Variants in SNX29 observed in about 807,000 individuals in gnomAD.
SNX29 encodes the protein sorting nexin 29.
SNX29 carries 78 observed loss-of-function variants against 102.1 expected under a neutral mutation model. The ratio of observed to expected loss-of-function variants is 0.76; its 90% CI spans 0.64 to 0.92. The LOEUF is 0.92. Among genes scored for constraint, SNX29 ranks in the 40% least tolerant of loss-of-function variants. The pLI is 0.00. For synonymous variants in SNX29, 580 were observed against 414.5 expected, an observed-to-expected ratio of 1.40 and a Z score of -4.85; for missense variants, 1,280 against 1,061.7, an observed-to-expected ratio of 1.21 and a Z score of -2.86.
At chr16:12,226,785 C>G (rs553836326) in intron 14 of SNX29, among the ~76,000 whole-genome samples, 1 of 152,138 alleles carries the variant, frequency 6.6e-6, no homozygotes, top group Admixed American at 6.5e-5. Context: ...ACTGTATTGG[C>G]TAGGCTGGTC....
chr16:12,562,929 A>G (rs1328937376), intron 20 of SNX29, among the ~76,000 whole-genome samples: 1 of 152,158 alleles, frequency 6.6e-6, no homozygotes, highest in African/African-American at 2.4e-5. Flanking sequence ...TGTTGCCAAA[A>G]ACCTGCATAG....
At chr16:12,028,915 G>A (rs1206619867) in intron 4 of SNX29, among the ~76,000 whole-genome samples, 1 of 151,124 alleles carries the variant, frequency 6.6e-6, no homozygotes, top group Non-Finnish European at 1.5e-5. Context: ...TGCCTGGCTA[G>A]TTTTTGTATT....
chr16:12,117,426 C>T (rs113797092), intron 11 of SNX29, among the ~76,000 whole-genome samples: 9 of 145,682 alleles, frequency 6.2e-5, no homozygotes, highest in East Asian at 2.1e-4. Context: ...GCGGACGAAC[C>T]GTGGAAACAG....
At chr16:12,147,399 A>T (rs573581789) in intron 13 of SNX29, among the ~76,000 whole-genome samples, 4 of 152,392 alleles carry the variant, frequency 2.6e-5, no homozygotes, top group African/African-American at 9.6e-5. Flanking sequence ...AGGTTACGGT[A>T]ATTATTCACC....
At chr16:12,249,889 T>A (rs1348841680) in intron 14 of SNX29, among the ~76,000 whole-genome samples, 1 of 152,204 alleles carries the variant, frequency 6.6e-6, no homozygotes, top group East Asian at 1.9e-4. Context: ...TGTTCTTATT[T>A]AATGTTAAAC....
At chr16:12,467,010 A>G (rs1053848582) in intron 18 of SNX29, among the ~76,000 whole-genome samples, 2 of 151,974 alleles carry the variant, frequency 1.3e-5, no homozygotes, top group Non-Finnish European at 2.9e-5. Context: ...AAGAGTGCCC[A>G]CCTTTTCCCC....
intron 10 of SNX29, among the ~76,000 whole-genome samples, chr16:12,076,026 A>T (rs937419946): frequency 3.3e-5 from 5 of 152,176 alleles, no homozygotes; most frequent in Admixed American, 2.0e-4. Context: ...GGAAAAGCGC[A>T]GTATTTGGGT....
chr16:12,468,644 C>T (rs902927860), intron 18 of SNX29, among the ~76,000 whole-genome samples: 1 of 152,180 alleles, frequency 6.6e-6, no homozygotes, highest in African/African-American at 2.4e-5. Flanking sequence ...AAGGACTGAG[C>T]CCTGGGAGGC....
At chr16:12,472,382 T>C (rs1178277876) in intron 18 of SNX29, among the ~76,000 whole-genome samples, 1 of 151,916 alleles carries the variant, frequency 6.6e-6, no homozygotes, top group African/African-American at 2.4e-5. Flanking sequence ...TAGCCAGGCG[T>C]GTGGCAGGCA....
At chr16:12,128,898 C>G (rs149304764) in intron 12 of SNX29, among the ~76,000 whole-genome samples, 3 of 152,134 alleles carry the variant, frequency 2.0e-5, no homozygotes, top group African/African-American at 7.2e-5. Context: ...CTCTCCTAGG[C>G]GGTCACTGGT....
intron 1 of SNX29, among the ~76,000 whole-genome samples, chr16:11,993,189 A>G (rs2055920770): frequency 6.6e-6 from 1 of 151,798 alleles, no homozygotes; most frequent in South Asian, 2.1e-4. Context: ...AAATAAATAA[A>G]TAAATAAATA....
At chr16:12,527,375 A>C (rs2076814754) in intron 20 of SNX29, 2 of 504,822 alleles carry the variant, frequency 4.0e-6, no homozygotes, top group African/African-American at 3.8e-5. Flanking sequence ...AAAAAATAAA[A>C]ATCTCCTGCC....
chr16:12,204,752 G>A (rs1050949267), intron 14 of SNX29, among the ~76,000 whole-genome samples: 6 of 152,232 alleles, frequency 3.9e-5, no homozygotes, highest in South Asian at 4.1e-4. Flanking sequence ...CTGGTGTGTC[G>A]TGTCTTTGCT....
intron 20 of SNX29, among the ~76,000 whole-genome samples, chr16:12,543,867 TTACCACAC>T (rs1352382467): frequency 2.0e-5 from 3 of 152,220 alleles, no homozygotes; most frequent in Non-Finnish European, 4.4e-5. Flanking sequence ...GAACATCCTC[TTACCACAC>T]TACAAGAGCT....
rs2079245752 is a variant in SNX29, at chr16:12,574,221, C to T, written c.*5592C>T. The stretch of plus-strand genomic sequence containing the variant: ...ATAAGCTGTGGAAATTTTGTTACAA[C>T]CTGGTTGAGATCAACCTCTTTACAA... On this transcript the variant is annotated 3_prime_UTR_variant, in exon 21 of 21. Transcript: ENST00000566228. 5.6e-6 allele frequency: 1 copy of T among 177,440 alleles called. No individual in the cohort carries two copies. The highest frequency in any genetic ancestry group is 1.2e-5 in the Non-Finnish European group (1 of 82,548). 11.0% of individuals were successfully genotyped at this position (177,440 alleles called of 1,614,324 possible).
chr16:12,480,828 C>G (rs973235207), intron 19 of SNX29, among the ~76,000 whole-genome samples: 2 of 152,178 alleles, frequency 1.3e-5, no homozygotes, highest in African/African-American at 4.8e-5. Context: ...GGGCATGAAG[C>G]TGTCCTGGGT....
At chr16:12,542,757 GC>G (rs2077399466) in intron 20 of SNX29, among the ~76,000 whole-genome samples, 3 of 148,552 alleles carry the variant, frequency 2.0e-5, no homozygotes, top group African/African-American at 7.4e-5. Context: ...GACTATCACT[GC>G]CTTTTTTTTT....
rs532647168 is a variant in SNX29 at position 12,253,070 on chromosome 16, G to A, written c.1679-24863G>A. Among the ~76,000 whole-genome samples, 4 of 152,280 alleles carry A rather than the reference G, an allele frequency of 2.6e-5. No homozygotes were observed. The South Asian group carries it at 6.2e-4, about 24-fold the overall frequency. On this transcript the variant is annotated intron_variant, in intron 14 of 20. Coordinates refer to ENST00000566228, the MANE Select transcript of SNX29 (RefSeq NM_032167.5). ...TTTGGGTCATTTTTGTGGGTCTAGC[G>A]GTTCTAGAGGCATGTTCAAGGGTTC...
At chr16:12,290,210 C>T (rs1220208425) in intron 15 of SNX29, among the ~76,000 whole-genome samples, 2 of 152,152 alleles carry the variant, frequency 1.3e-5, no homozygotes, top group African/African-American at 4.8e-5. Flanking sequence ...TTTTGCTATA[C>T]TCTTGCCTTC....
Sources: gnomAD v4.1 joint callset for allele counts (sites outside exome capture counted in the v4.1 genomes callset) on GRCh38, gnomAD v4.1.1 for gene constraint, MANE v1.5 for transcripts, NCBI Gene and HGNC (gene_info 2026-07-23, HGNC 2026-07-21) for gene names.